Variants in SERPINI1 observed in about 807,000 individuals in gnomAD.
SERPINI1 encodes the protein neuroserpin.
In SERPINI1, 19 loss-of-function variants were observed where a neutral mutation model predicts 41.1. The ratio of observed to expected loss-of-function variants is 0.46; its 90% CI spans 0.32 to 0.68. SERPINI1 has a LOEUF of 0.68. SERPINI1 is among the 30% of genes least tolerant of loss of function. The pLI, the probability that SERPINI1 is intolerant of heterozygous loss-of-function variation, is 0.03. For synonymous variants in SERPINI1, 138 were observed against 156.6 expected (o/e 0.88, Z 0.89); for missense variants, 460 against 479.2 (o/e 0.96, Z 0.37).
At position 167,794,624 on chromosome 3, in the gene SERPINI1, A is replaced by G. The variant is rs1560010596; in HGVS notation, c.681A>G (p.Glu227=). 1.9e-6 allele frequency: 3 copies of G among 1,613,078 alleles called. No individual in the cohort carries two copies. Among genetic ancestry groups the G allele is most frequent in the Non-Finnish European group, 2.5e-6 (3 of 1,179,542 alleles). The part of the protein sequence containing the change: ...MYQQGEFYYG[E]FSDGSNEAGG... ...TGGCCTTTATTTTCTTTTTAGGGGA[A>G]TTTAGTGATGGCTCCAATGAAGCTG... Residue 227 remains glutamate, a synonymous_variant, in exon 5 of 9, where the codon GAA becomes GAG. Coordinates refer to ENST00000446050, the MANE Select transcript of SERPINI1 (RefSeq NM_001122752.2).
intron 1 of SERPINI1, among the ~76,000 whole-genome samples, chr3:167,775,932 C>T (rs555308749): frequency 1.3e-5 from 2 of 152,060 alleles, no homozygotes; most frequent in African/African-American, 4.8e-5. Context: ...GCACTCCAGC[C>T]TGGGCGACAG....
Position 167,790,350 on chromosome 3 carries a change from CTT to C in SERPINI1, c.251-21_251-20del. On this transcript the variant is annotated intron_variant, in intron 2 of 8. Transcript: ENST00000446050. ...TCACCGTGTTTGTTCTACAAATAAA[CTT>C]ATCCTTTCTCATCTTTCAGGTGAAG... 6.6e-7 allele frequency: 1 copy of C among 1,516,556 alleles called. No individual in the cohort carries two copies. The highest frequency in any genetic ancestry group is 9.2e-7 in the Non-Finnish European group (1 of 1,091,600). The allele number at this position is 1,516,556 out of a possible 1,614,324, so 93.9% of individuals were successfully genotyped here.
chr3:167,792,301 C>T (rs1458199874), intron 3 of SERPINI1, among the ~76,000 whole-genome samples: 1 of 151,678 alleles, frequency 6.6e-6, no homozygotes, highest in Non-Finnish European at 1.5e-5. Flanking sequence ...TCAGGTGATA[C>T]GGGTGTTTTG....
At position 167,821,407 on chromosome 3, in the gene SERPINI1, G is replaced by T. The variant is rs576665904; in HGVS notation, c.980-1579G>T. The stretch of plus-strand genomic sequence containing the variant: ...CTTCCAAACGCCACCACATTTCCTG[G>T]TGCCAGCAGTGGAAGCTGCTTGTGG... On this transcript the variant is annotated intron_variant, in intron 6 of 8. Transcript: ENST00000446050. Among the ~76,000 whole-genome samples the T allele has an allele frequency of 3.9e-5, 6 of 152,276 alleles. No homozygotes were observed. In the South Asian group the frequency reaches 1.2e-3, roughly 32 times the overall value.
At chr3:167,775,905 A>G (rs966047018) in intron 1 of SERPINI1, among the ~76,000 whole-genome samples, 9 of 152,054 alleles carry the variant, frequency 5.9e-5, no homozygotes, top group Admixed American at 1.3e-4. Flanking sequence ...TTCAGTAAAA[A>G]TACTCTTTTC....
chr3:167,766,464 C>T (rs942797371), intron 1 of SERPINI1, among the ~76,000 whole-genome samples: 3 of 152,192 alleles, frequency 2.0e-5, no homozygotes, highest in African/African-American at 7.2e-5. Flanking sequence ...TTATCTCCCA[C>T]TGGGTCTCTC....
At chr3:167,772,748 A>G (rs1486875257) in intron 1 of SERPINI1, among the ~76,000 whole-genome samples, 2 of 148,422 alleles carry the variant, frequency 1.3e-5, no homozygotes, top group East Asian at 2.0e-4. Flanking sequence ...TACCTATAGT[A>G]TCAGCTGCTC....
At chr3:167,818,737 G>A (rs2108573184) in intron 6 of SERPINI1, among the ~76,000 whole-genome samples, 1 of 152,226 alleles carries the variant, frequency 6.6e-6, no homozygotes, top group South Asian at 2.1e-4. Context: ...AGTGCGAACA[G>A]GCAATAAAGT....
intron 1 of SERPINI1, among the ~76,000 whole-genome samples, chr3:167,740,294 G>C (rs1725635853): frequency 1.3e-5 from 2 of 152,166 alleles, no homozygotes; most frequent in Middle Eastern, 3.2e-3. Flanking sequence ...GTCTCCCAAA[G>C]AATTGGGATT....
chr3:167,775,149 T>C, intron 1 of SERPINI1, among the ~76,000 whole-genome samples: 1 of 122,968 alleles, frequency 8.1e-6, no homozygotes. Flanking sequence ...TGTGTGAATT[T>C]TAAGTGTGTG....
At chr3:167,764,343 C>T (rs1726488336) in intron 1 of SERPINI1, among the ~76,000 whole-genome samples, 1 of 152,148 alleles carries the variant, frequency 6.6e-6, no homozygotes, top group Admixed American at 6.5e-5. Context: ...GGAGGCCTCA[C>T]AATCATGGTG....
chr3:167,747,238 A>G (rs1015145184), intron 1 of SERPINI1, among the ~76,000 whole-genome samples: 2 of 152,200 alleles, frequency 1.3e-5, no homozygotes, highest in Non-Finnish European at 2.9e-5. Context: ...CTAGTAAGGG[A>G]CAAAGGGGAA....
rs140940605 is a variant in SERPINI1 at position 167,747,142 on chromosome 3, A to G, written c.-19+11319A>G. On this transcript the variant is annotated intron_variant, in intron 1 of 8. Transcript: ENST00000446050. ...CAGCATGGATGGCCCTTGAAAGCAT[A>G]TTAAGCAAAAACACCAAACACAGCA... 7.5e-3 allele frequency among the ~76,000 whole-genome samples: 1,136 copies of G among 152,356 alleles called. 21 individuals are homozygous for G. Among genetic ancestry groups the G allele is most frequent in the Non-Finnish European group, 7.9e-3 (537 of 68,042 alleles).
chr3:167,751,594 G>T (rs371813401), intron 1 of SERPINI1, among the ~76,000 whole-genome samples: 5 of 152,102 alleles, frequency 3.3e-5, no homozygotes, highest in African/African-American at 1.2e-4. Context: ...AAATTACTCC[G>T]CTAAATATAT....
At chr3:167,737,660 A>G (rs949221723) in intron 1 of SERPINI1, among the ~76,000 whole-genome samples, 2 of 152,170 alleles carry the variant, frequency 1.3e-5, no homozygotes, top group South Asian at 2.1e-4. Context: ...TAATAATTAT[A>G]ATACTACCAA....
At chr3:167,803,096 G>A (rs1248838076) in intron 5 of SERPINI1, among the ~76,000 whole-genome samples, 4 of 151,450 alleles carry the variant, frequency 2.6e-5, no homozygotes, top group Non-Finnish European at 5.9e-5. Flanking sequence ...ATGGACACAG[G>A]AAGGGGAACA....
intron 1 of SERPINI1, among the ~76,000 whole-genome samples, chr3:167,784,468 C>T (rs1475002312): frequency 5.9e-5 from 9 of 152,018 alleles, no homozygotes; most frequent in African/African-American, 2.2e-4. Context: ...TGTATTAGTC[C>T]GTTCTCACAC....
At chr3:167,769,933 T>C (rs183714676) in intron 1 of SERPINI1, among the ~76,000 whole-genome samples, 66 of 151,920 alleles carry the variant, frequency 4.3e-4, no homozygotes, top group Non-Finnish European at 8.1e-4. Flanking sequence ...TTGTCTGTGA[T>C]TTAAGATTTT....
intron 5 of SERPINI1, among the ~76,000 whole-genome samples, chr3:167,797,493 C>T (rs1727752898): frequency 1.3e-5 from 2 of 152,004 alleles, no homozygotes; most frequent in African/African-American, 2.4e-5. Context: ...ACATTTAAGT[C>T]TTTAATCCAT....
Sources: gnomAD v4.1 joint callset for allele counts (sites outside exome capture counted in the v4.1 genomes callset) on GRCh38, gnomAD v4.1.1 for gene constraint, MANE v1.5 for transcripts, NCBI Gene and HGNC (gene_info 2026-07-23, HGNC 2026-07-21) for gene names.